DLC1: variants seen among roughly 807,000 people sequenced by gnomAD.
DLC1 encodes the protein rho GTPase-activating protein 7.
In DLC1, 54 loss-of-function variants were observed where a neutral mutation model predicts 140.3. The observed-to-expected ratio is 0.38, with a 90% confidence interval of 0.31 to 0.48. The LOEUF (loss-of-function observed/expected upper bound fraction) is 0.48. Among genes scored for constraint, DLC1 ranks in the 20% least tolerant of loss-of-function variants. The pLI is 0.96. For synonymous variants in DLC1, 986 were observed against 728.1 expected (o/e 1.35, Z -5.70); for missense variants, 2,536 against 1,907.0 (o/e 1.33, Z -6.14).
chr8:13,170,025 AT>A (rs1825355576), intron 5 of DLC1, among the ~76,000 whole-genome samples: 1 of 152,152 alleles, frequency 6.6e-6, no homozygotes, highest in African/African-American at 2.4e-5. Context: ...TCTCAAAAAA[AT>A]AAAAAAATAA....
intron 5 of DLC1, among the ~76,000 whole-genome samples, chr8:13,291,171 A>C (rs1370436490): frequency 6.6e-6 from 1 of 152,158 alleles, no homozygotes; most frequent in East Asian, 1.9e-4. Context: ...AGCCTCCCAA[A>C]GTGCTGGGAT....
chr8:13,576,213 TG>T (rs1281764468), intron 1 of DLC1, among the ~76,000 whole-genome samples: 1 of 152,204 alleles, frequency 6.6e-6, no homozygotes, highest in African/African-American at 2.4e-5. Flanking sequence ...TAACCCGCAT[TG>T]CTGTTCATTC....
At chr8:13,546,473 A>C (rs570237055) in intron 1 of DLC1, among the ~76,000 whole-genome samples, 1 of 152,152 alleles carries the variant, frequency 6.6e-6, no homozygotes, top group African/African-American at 2.4e-5. Context: ...TTAAAAAAGC[A>C]CATTTATCTA....
Position 13,100,329 on chromosome 8 carries a change from G to A in DLC1, c.2008C>T (p.Arg670Trp), listed in dbSNP as rs375672644. The A allele has an allele frequency of 3.7e-6, 6 of 1,614,172 alleles. No individual in the cohort carries two copies. Among genetic ancestry groups the A allele is most frequent in the Non-Finnish European group, 5.1e-6 (6 of 1,180,034 alleles). The change falls in exon 9 of 18, where the codon CGG becomes TGG. Residue 670 changes from arginine to tryptophan, a missense_variant. By Grantham distance (101) the Arg-to-Trp change is moderately radical. Transcript: ENST00000276297. ...AKSKTRSLLK[R>W]MESLKLKSSH... ...CTCTTGAGCTTCAGGCTCTCCATCC[G>A]TTTCAGCAGACTGCGCGTCTTGGAC...
intron 2 of DLC1, among the ~76,000 whole-genome samples, chr8:13,438,619 C>G (rs980696208): frequency 1.3e-5 from 2 of 152,166 alleles, no homozygotes; most frequent in Admixed American, 1.3e-4. Flanking sequence ...TTTCCTTACC[C>G]TGGATTCACA....
At chr8:13,397,872 C>T (rs1376917007) in intron 3 of DLC1, among the ~76,000 whole-genome samples, 2 of 151,920 alleles carry the variant, frequency 1.3e-5, no homozygotes, top group Non-Finnish European at 2.9e-5. Context: ...GTGGCTCACG[C>T]CTGTAATCCC....
intron 4 of DLC1, among the ~76,000 whole-genome samples, chr8:13,384,425 AC>A (rs1836420142): frequency 6.6e-6 from 1 of 151,258 alleles, no homozygotes; most frequent in South Asian, 2.1e-4. Context: ...AACTACAAAT[AC>A]AAGTGGGAGA....
intron 5 of DLC1, among the ~76,000 whole-genome samples, chr8:13,139,769 T>C (rs1230083770): frequency 6.6e-6 from 1 of 152,266 alleles, no homozygotes; most frequent in East Asian, 1.9e-4. Flanking sequence ...GCTCTGATTC[T>C]TTCGTGTGTC....
Position 13,099,460 on chromosome 8 carries a change from G to C in DLC1, c.2877C>G (p.Thr959=). Residue 959 remains threonine (T), a synonymous_variant, in exon 9 of 18, where the codon ACC becomes ACG. Coordinates refer to ENST00000276297, the MANE Select transcript of DLC1 (RefSeq NM_182643.3). ...QIHLDVDNDR[T]TPSDLDSTGN... Reference sequence around the variant, plus strand: ...CTGTGCTGTCCAGGTCGCTGGGTGTGGTTCGGTCGTTGTCCACATCCAGGT... The same window carrying C: ...CTGTGCTGTCCAGGTCGCTGGGTGTCGTTCGGTCGTTGTCCACATCCAGGT... 7.4e-6 allele frequency: 12 copies of C among 1,614,150 alleles called. No homozygotes were observed. Among genetic ancestry groups the C allele is most frequent in the Non-Finnish European group, 1.0e-5 (12 of 1,180,026 alleles).
chr8:13,357,477 G>C (rs569004487), intron 4 of DLC1, among the ~76,000 whole-genome samples: 1 of 152,350 alleles, frequency 6.6e-6, no homozygotes, highest in South Asian at 2.1e-4. Context: ...GCTTTATATA[G>C]AAGAGCACTG....
intron 4 of DLC1, among the ~76,000 whole-genome samples, chr8:13,348,995 G>C (rs183579163): frequency 6.6e-6 from 1 of 152,252 alleles, no homozygotes; most frequent in East Asian, 1.9e-4. Context: ...ATAGGGAGAT[G>C]AAAAGAGAAG....
At chr8:13,183,343 C>T (rs1446105216) in intron 5 of DLC1, among the ~76,000 whole-genome samples, 1 of 152,122 alleles carries the variant, frequency 6.6e-6, no homozygotes, top group Non-Finnish European at 1.5e-5. Context: ...CCAGAACTTC[C>T]AACACTAGGT....
chr8:13,321,091 T>C (rs532279877), intron 4 of DLC1, among the ~76,000 whole-genome samples: 1 of 152,140 alleles, frequency 6.6e-6, no homozygotes, highest in South Asian at 2.1e-4. Flanking sequence ...AGGTATTCTT[T>C]ATAGCGACAC....
At chr8:13,534,843 G>A (rs1233457518) in intron 1 of DLC1, among the ~76,000 whole-genome samples, 1 of 152,112 alleles carries the variant, frequency 6.6e-6, no homozygotes, top group Non-Finnish European at 1.5e-5. Flanking sequence ...CACTTCATGA[G>A]TCTTTGAGGA....
intron 3 of DLC1, among the ~76,000 whole-genome samples, chr8:13,399,306 T>C (rs1837193631): frequency 1.3e-5 from 2 of 152,046 alleles, no homozygotes; most frequent in African/African-American, 4.8e-5. Context: ...GTTGGGAAGG[T>C]TTCTAATGTA....
intron 5 of DLC1, among the ~76,000 whole-genome samples, chr8:13,140,157 C>T (rs1822869666): frequency 6.6e-6 from 1 of 152,116 alleles, no homozygotes; most frequent in African/African-American, 2.4e-5. Flanking sequence ...CAACAGTTGC[C>T]CCTTTGTGTC....
At chr8:13,326,180 G>C (rs1586142625) in intron 4 of DLC1, among the ~76,000 whole-genome samples, 2 of 152,344 alleles carry the variant, frequency 1.3e-5, no homozygotes, top group South Asian at 2.1e-4. Flanking sequence ...GCAAGGCAAT[G>C]ATGAGGATAT....
intron 2 of DLC1, among the ~76,000 whole-genome samples, chr8:13,408,691 G>C (rs1434604112): frequency 2.0e-5 from 3 of 152,084 alleles, no homozygotes; most frequent in Admixed American, 6.6e-5. Flanking sequence ...TTGGCACTCA[G>C]GTCACTAAAT....
intron 2 of DLC1, among the ~76,000 whole-genome samples, chr8:13,464,645 C>T (rs1274707785): frequency 2.0e-5 from 3 of 151,588 alleles, no homozygotes; most frequent in Admixed American, 2.0e-4. Flanking sequence ...TTGTGCTCCT[C>T]TCCTCTCCTG....
Sources: gnomAD v4.1 joint callset for allele counts (sites outside exome capture counted in the v4.1 genomes callset) on GRCh38, gnomAD v4.1.1 for gene constraint, MANE v1.5 for transcripts, NCBI Gene and HGNC (gene_info 2026-07-23, HGNC 2026-07-21) for gene names.